The following ZNF333 variants were observed in gnomAD, a reference collection of about 807,000 sequenced individuals.
ZNF333 encodes the protein zinc finger protein 333.
ZNF333 carries 61 observed loss-of-function variants against 76.1 expected under a neutral mutation model. That is an observed-to-expected ratio of 0.80 (90% CI 0.65 to 0.99). The LOEUF (loss-of-function observed/expected upper bound fraction) is 0.99. ZNF333 is among the 50% of genes least tolerant of loss of function. The pLI, the probability that ZNF333 is intolerant of heterozygous loss-of-function variation, is 0.00. For missense variants in ZNF333, 717 were observed against 822.4 expected (o/e 0.87, Z 1.57); for synonymous variants, 284 against 305.0 (o/e 0.93, Z 0.72).
At position 14,713,494 on chromosome 19, in the gene ZNF333, A is replaced by G. The variant is rs77467817; in HGVS notation, c.512-1888A>G. 5.5e-3 allele frequency among the ~76,000 whole-genome samples: 842 copies of G among 152,238 alleles called. 11 individuals carry two copies. The highest frequency in any genetic ancestry group is 0.018 in the African/African-American group (765 of 41,552). ...GCTTCATCATGAAGTTTGGGAATTG[A>G]CACCCAGAGAATGGGTGAGGTTGCA... On this transcript the variant is annotated intron_variant, in intron 7 of 11. Coordinates refer to ENST00000292530, the MANE Select transcript of ZNF333 (RefSeq NM_032433.4).
At chr19:14,694,498 ACT>A (rs1973026803) in intron 2 of ZNF333, among the ~76,000 whole-genome samples, 3 of 151,610 alleles carry the variant, frequency 2.0e-5, no homozygotes, top group South Asian at 2.1e-4. Context: ...AAAGAAAAAG[ACT>A]CTCAGATGCA....
intron 5 of ZNF333, among the ~76,000 whole-genome samples, chr19:14,703,958 T>C (rs561738786): frequency 6.6e-6 from 1 of 152,110 alleles, no homozygotes; most frequent in South Asian, 2.1e-4. Context: ...GGTTTTTGGG[T>C]GACTTAAACA....
intron 3 of ZNF333, 99 bp downstream of exon 3, chr19:14,695,232 G>C: frequency 6.9e-7 from 1 of 1,459,638 alleles, no homozygotes; most frequent in Non-Finnish European, 9.2e-7. Flanking sequence ...AGGCTTTGTG[G>C]CACTTAGCGT....
At position 14,714,355 on chromosome 19, in the gene ZNF333, G is replaced by A. The variant is rs137905862; in HGVS notation, c.512-1027G>A. ...GAAGACGCCACGTGAAGACAGACACGCAGGGAGGGGACCGTGCGACGGTGG... is the reference window on the plus strand; with the variant it reads ...GAAGACGCCACGTGAAGACAGACACACAGGGAGGGGACCGTGCGACGGTGG... On this transcript the variant is annotated intron_variant, in intron 7 of 11. Transcript: ENST00000292530. 4.6e-5 allele frequency among the ~76,000 whole-genome samples: 7 copies of A among 152,248 alleles called. No individual in the cohort carries two copies. In the East Asian group the frequency reaches 7.7e-4, roughly 17 times the overall value.
At chr19:14,715,994 C>T in intron 8 of ZNF333, 118 bp from the exon 9 acceptor site, 1 of 1,520,652 alleles carries the variant, frequency 6.6e-7, no homozygotes, top group Non-Finnish European at 8.9e-7. Flanking sequence ...GATCTCAGAA[C>T]CCTGTCTGAA....
chr19:14,715,125 T>G, intron 7 of ZNF333: 1 of 422,044 alleles, frequency 2.4e-6, no homozygotes, highest in Non-Finnish European at 4.5e-6. Flanking sequence ...AACAGGTGCA[T>G]GTGGTATGTA....
At chr19:14,703,850 G>A (rs1336374666) in intron 5 of ZNF333, among the ~76,000 whole-genome samples, 1 of 152,190 alleles carries the variant, frequency 6.6e-6, no homozygotes, top group African/African-American at 2.4e-5. Context: ...TGGAGATGAA[G>A]TTGGCAGGCA....
At chr19:14,699,150 T>C in intron 4 of ZNF333, 49 bp from the exon 5 acceptor site, 1 of 1,368,650 alleles carries the variant, frequency 7.3e-7, no homozygotes, top group Non-Finnish European at 1.0e-6. Flanking sequence ...TCAATTAATG[T>C]CACTATTTCT....
In ZNF333 at chr19:14,715,369, C is replaced by T; in HGVS notation, c.512-13C>T. ...CAGGCACCAACCCTCATGCCTCTTC[C>T]CTTCTCCCCTAGCTGTGCCTGCACG... On this transcript the variant is annotated splice_polypyrimidine_tract_variant and intron_variant, in intron 7 of 11. Transcript: ENST00000292530. 6.2e-7 allele frequency: 1 copy of T among 1,613,286 alleles called. No individual in the cohort carries two copies. The highest frequency in any genetic ancestry group is 8.5e-7 in the Non-Finnish European group (1 of 1,179,664).
intron 9 of ZNF333, among the ~76,000 whole-genome samples, chr19:14,716,579 C>T (rs140389344): frequency 2.0e-5 from 3 of 152,262 alleles, no homozygotes; most frequent in African/African-American, 7.2e-5. Context: ...CTTTTCATCA[C>T]ATTTATGTAC....
exon 12 of ZNF333, chr19:14,731,423 G>T (rs1480873959): frequency 5.3e-6 from 3 of 562,622 alleles, no homozygotes; most frequent in Middle Eastern, 4.6e-4. Flanking sequence ...TAGGTTCCCC[G>T]CAAGGAGACT....
At chr19:14,727,742 C>T (rs2147044937) in intron 11 of ZNF333, among the ~76,000 whole-genome samples, 3 of 151,862 alleles carry the variant, frequency 2.0e-5, no homozygotes, top group Middle Eastern at 6.8e-3. Flanking sequence ...GATTTACAAA[C>T]TTAAGAGTCC....
intron 4 of ZNF333, among the ~76,000 whole-genome samples, chr19:14,698,456 A>T (rs1973391021): frequency 1.3e-5 from 2 of 151,834 alleles, no homozygotes; most frequent in African/African-American, 4.8e-5. Context: ...GAGGCACAAG[A>T]ATTGCTTGAA....
At position 14,719,069 on chromosome 19, in the gene ZNF333, C is replaced by A. The variant is rs201711534; in HGVS notation, c.1742C>A (p.Ala581Glu). The A allele has an allele frequency of 3.0e-4, 484 of 1,613,638 alleles. 1 individual carries two copies. The highest frequency in any genetic ancestry group is 1.2e-4 in the Admixed American group (7 of 59,948). ...FSEPSSLRKH[A>E]RTHSGKKPYA... The stretch of plus-strand genomic sequence containing the variant: ...GAGCCCTCATCCCTCAGGAAACATG[C>A]AAGGACTCACAGTGGCAAGAAGCCC... The change falls in exon 12 of 12, where the codon GCA (alanine) becomes GAA (glutamate). Residue 581 changes from alanine to glutamate, a missense_variant. Transcript: ENST00000292530.
chr19:14,713,801 TAAAAA>T (rs958912290), intron 7 of ZNF333, among the ~76,000 whole-genome samples: 1 of 149,026 alleles, frequency 6.7e-6, no homozygotes, highest in Non-Finnish European at 1.5e-5. Flanking sequence ...TCTAAAAAAA[TAAAAA>T]AAAAATTAAC....
In ZNF333 at chr19:14,692,836, T is replaced by TC. The variant is rs1320093635; in HGVS notation, c.-41-615_-41-614insC. On this transcript the variant is annotated intron_variant, in intron 1 of 11. Coordinates refer to ENST00000292530, the MANE Select transcript of ZNF333 (RefSeq NM_032433.4). The stretch of plus-strand genomic sequence containing the variant: ...CCTGGACCTTATTCTTTTTTTTTTT[T>TC]TCTTGACATGGAGTCTTAGTCTGTT... Among the ~76,000 whole-genome samples, 52 of 151,624 alleles carry TC rather than the reference T, an allele frequency of 3.4e-4. 1 individual carries two copies. Among genetic ancestry groups the TC allele is most frequent in the Non-Finnish European group, 5.7e-4 (39 of 67,862 alleles).
chr19:14,706,453 A>C (rs1599721718), intron 6 of ZNF333: 1 of 526,120 alleles, frequency 1.9e-6, no homozygotes, highest in Non-Finnish European at 3.4e-6. Flanking sequence ...GGAGGGTGCC[A>C]CCTTCCCCAG....
At chr19:14,713,004 C>G (rs184878519) in intron 7 of ZNF333, among the ~76,000 whole-genome samples, 15 of 151,624 alleles carry the variant, frequency 9.9e-5, no homozygotes, top group African/African-American at 3.7e-4. Context: ...ATTCCAGCGT[C>G]AACTCTAAGT....
intron 7 of ZNF333, among the ~76,000 whole-genome samples, chr19:14,712,343 C>T (rs527510789): frequency 6.6e-6 from 1 of 152,096 alleles, no homozygotes; most frequent in South Asian, 2.1e-4. Context: ...CCTCAGCCTC[C>T]CGAGTGGCTG....
Sources: allele counts gnomAD v4.1 joint callset (sites outside exome capture counted in the v4.1 genomes callset), GRCh38; gene constraint gnomAD v4.1.1; transcripts MANE v1.5; gene names NCBI Gene and HGNC (gene_info 2026-07-23, HGNC 2026-07-21).